PCDH11X: variants seen among roughly 807,000 people sequenced by gnomAD.
PCDH11X encodes the protein protocadherin 11 X-linked, also known as protocadherin-11 X-linked.
In PCDH11X, 18 loss-of-function variants were observed where a neutral mutation model predicts 53.3. The ratio of observed to expected loss-of-function variants is 0.34; its 90% CI spans 0.23 to 0.50. The LOEUF is 0.50. Among genes scored for constraint, PCDH11X ranks in the 20% least tolerant of loss-of-function variants. The probability of loss-of-function intolerance (pLI) is 0.98; values close to 1 mark genes in which losing one functional copy is unlikely to be tolerated. For missense variants in PCDH11X, 570 were observed against 1,032.4 expected (o/e 0.55, Z 6.14); for synonymous variants, 279 against 393.3 (o/e 0.71, Z 3.44).
intron 8 of PCDH11X, among the ~76,000 whole-genome samples, chrX:92,301,736 T>TTTTTTTTTTTTTTTTTTTTGAGACG (rs2068727982): frequency 9.1e-6 from 1 of 110,220 alleles, no homozygotes; most frequent in African/African-American, 3.4e-5. Context: ...TTCCTTTTCT[T>TTTTTTTTTTTTTTTTTTTTGAGACG]GTGTTGTCTT....
chrX:92,381,741 T>C (rs1027546326), intron 8 of PCDH11X, among the ~76,000 whole-genome samples: 5 of 111,762 alleles, frequency 4.5e-5, no homozygotes, highest in Non-Finnish European at 7.5e-5. Flanking sequence ...AGACATGTTG[T>C]GTAACTATGG....
intron 9 of PCDH11X, among the ~76,000 whole-genome samples, chrX:92,413,814 TTA>T (rs1487613012): frequency 9.4e-6 from 1 of 106,817 alleles, no homozygotes; most frequent in Non-Finnish European, 1.9e-5. Context: ...GCATGAATAT[TTA>T]TGAAAGAAGA....
chrX:91,875,587 G>A (rs1262170213), intron 5 of PCDH11X, among the ~76,000 whole-genome samples: 2 of 110,198 alleles, frequency 1.8e-5, no homozygotes, highest in Non-Finnish European at 3.8e-5. Flanking sequence ...CACCGCTCCC[G>A]GCCGAGGGGA....
In PCDH11X at chrX:92,473,581, T is replaced by TA. The variant is rs2073314435; in HGVS notation, c.3367+5260dup. Among the ~76,000 whole-genome samples, 4 of 111,590 alleles carry TA rather than the reference T, an allele frequency of 3.6e-5. No individual in the cohort carries two copies. The South Asian group carries it at 1.5e-3, about 42-fold the overall frequency. On this transcript the variant is annotated intron_variant, in intron 10 of 10. Coordinates refer to ENST00000682573, the MANE Select transcript of PCDH11X (RefSeq NM_032968.5). ...TTTCTCATTTTTTAGTGTAGGCACTTACAGCTATAAACTTCCCTGTAAGTA... is the reference window on the plus strand; with the variant it reads ...TTTCTCATTTTTTAGTGTAGGCACTTAACAGCTATAAACTTCCCTGTAAGTA...
At chrX:91,962,852 G>T in intron 6 of PCDH11X, among the ~76,000 whole-genome samples, 1 of 111,387 alleles carries the variant, frequency 9.0e-6, no homozygotes, top group Non-Finnish European at 1.9e-5. Flanking sequence ...TGTGTAAGCT[G>T]CCAACCCTTG....
At chrX:92,393,073 T>C (rs2071167531) in intron 9 of PCDH11X, among the ~76,000 whole-genome samples, 1 of 110,667 alleles carries the variant, frequency 9.0e-6, no homozygotes, top group Non-Finnish European at 1.9e-5. Flanking sequence ...TAATATTTCT[T>C]TAAAATGCAT....
At chrX:92,380,099 T>C (rs986963614) in intron 8 of PCDH11X, among the ~76,000 whole-genome samples, 5 of 98,388 alleles carry the variant, frequency 5.1e-5, no homozygotes, top group African/African-American at 1.8e-4. Context: ...GACACCCTTT[T>C]TGGGGCTCTG....
Position 92,138,008 on chromosome X carries a change from CT to C in PCDH11X, c.3034-63366del, listed in dbSNP as rs1170151286. 3.0e-5 allele frequency among the ~76,000 whole-genome samples: 3 copies of C among 99,096 alleles called. No homozygotes were observed. The East Asian group carries it at 9.6e-4, about 32-fold the overall frequency. The allele number at this position is 99,096 out of a possible 115,157, so 86.1% of individuals were successfully genotyped here. ...TTTTTTCTGATGCTCTCCGTCCCCCCTCCTCTCCACCCCCGACAGACCCTAG... is the reference window on the plus strand; with the variant it reads ...TTTTTTCTGATGCTCTCCGTCCCCCCCCTCTCCACCCCCGACAGACCCTAG... On this transcript the variant is annotated intron_variant, in intron 6 of 10. Coordinates refer to ENST00000682573, the MANE Select transcript of PCDH11X (RefSeq NM_032968.5).
At chrX:92,107,995 TAAAG>T (rs1569360309) in intron 6 of PCDH11X, among the ~76,000 whole-genome samples, 1 of 112,395 alleles carries the variant, frequency 8.9e-6, no homozygotes, top group Non-Finnish European at 1.9e-5. Context: ...TATGAACTGA[TAAAG>T]AAAAAATATA....
At chrX:91,909,740 C>T (rs765091359) in intron 6 of PCDH11X, among the ~76,000 whole-genome samples, 4 of 109,134 alleles carry the variant, frequency 3.7e-5, no homozygotes, top group Admixed American at 2.0e-4. Flanking sequence ...TGTCTGTAAA[C>T]GTGGCATATT....
chrX:91,882,975 A>G lies in PCDH11X; in HGVS notation c.3033+3702A>G, dbSNP rs976655642. 6.0e-6 allele frequency: 7 copies of G among 1,167,690 alleles called. No individual in the cohort carries two copies. In the East Asian group the frequency reaches 2.2e-4, roughly 36 times the overall value. The stretch of plus-strand genomic sequence containing the variant: ...AACTTTCTAGGAACAACAAAATTCC[A>G]TTCCCCTTCCAAAAAATTTCAATGA... On this transcript the variant is annotated intron_variant, in intron 6 of 10. Coordinates refer to ENST00000682573, the MANE Select transcript of PCDH11X (RefSeq NM_032968.5).
chrX:91,970,372 A>C (rs1004860901), intron 6 of PCDH11X, among the ~76,000 whole-genome samples: 3 of 111,211 alleles, frequency 2.7e-5, no homozygotes, highest in Non-Finnish European at 5.7e-5. Context: ...ATTTTACAGA[A>C]TGCTGATTGG....
intron 1 of PCDH11X, among the ~76,000 whole-genome samples, chrX:91,780,435 C>T (rs954944707): frequency 2.6e-4 from 29 of 112,363 alleles, no homozygotes; most frequent in African/African-American, 8.1e-4. Flanking sequence ...AGCCGAAAAA[C>T]GGCATCATTT....
intron 10 of PCDH11X, among the ~76,000 whole-genome samples, chrX:92,613,689 G>C (rs1927655016): frequency 9.2e-6 from 1 of 109,016 alleles, no homozygotes; most frequent in African/African-American, 3.3e-5. Context: ...TGTCTCTCTA[G>C]CAAGATCAGA....
In PCDH11X at chrX:91,832,929, T is replaced by G. The variant is rs754607448; in HGVS notation, c.-44-2532T>G. 1.4e-4 allele frequency among the ~76,000 whole-genome samples: 14 copies of G among 102,315 alleles called. No individual in the cohort carries two copies. The South Asian group carries it at 6.8e-3, about 50-fold the overall frequency. The allele number at this position is 102,315 out of a possible 115,157, so 88.8% of individuals were successfully genotyped here. ...GTAAACCTGTGTCATGGGGGTTTGT[T>G]GTACAGATTATTTCGTCACCCAGGT... is the stretch of plus-strand genomic sequence containing the variant. On this transcript the variant is annotated intron_variant, in intron 4 of 10. Coordinates refer to ENST00000682573, the MANE Select transcript of PCDH11X (RefSeq NM_032968.5).
chrX:92,452,463 G>GTATATATATATA (rs763381982), intron 9 of PCDH11X, among the ~76,000 whole-genome samples: 18 of 44,711 alleles, frequency 4.0e-4, no homozygotes, highest in East Asian at 9.7e-4. Context: ...GTGTGTGTGT[G>GTATATATATATA]TATATATATA....
In PCDH11X at chrX:92,480,773, G is replaced by C. The variant is rs1186051442; in HGVS notation, c.3367+12451G>C. 2.7e-5 allele frequency among the ~76,000 whole-genome samples: 3 copies of C among 111,764 alleles called. No individual in the cohort carries two copies. In the South Asian group the frequency reaches 1.1e-3, roughly 41 times the overall value. On this transcript the variant is annotated intron_variant, in intron 10 of 10. Transcript: ENST00000682573. ...ACTGATCACTACACTCTGATGGCTG[G>C]TGCCAGCCAAAACATTTGGTAGGTC...
At chrX:91,953,697 C>G (rs1259239125) in intron 6 of PCDH11X, among the ~76,000 whole-genome samples, 1 of 109,749 alleles carries the variant, frequency 9.1e-6, no homozygotes, top group African/African-American at 3.4e-5. Context: ...GTATGCAGAT[C>G]TTTATTATAC....
intron 5 of PCDH11X, among the ~76,000 whole-genome samples, chrX:91,837,274 A>G (rs779172189): frequency 1.4e-4 from 16 of 111,957 alleles, no homozygotes; most frequent in African/African-American, 4.2e-4. Flanking sequence ...ATGTTTGAGT[A>G]TATGAAGTGA....
Sources: gnomAD v4.1 joint callset for allele counts (sites outside exome capture counted in the v4.1 genomes callset) on GRCh38, gnomAD v4.1.1 for gene constraint, MANE v1.5 for transcripts, NCBI Gene and HGNC (gene_info 2026-07-23, HGNC 2026-07-21) for gene names.